GMDS: variants seen among roughly 807,000 people sequenced by gnomAD.
GMDS encodes the protein GDP-mannose 4,6-dehydratase.
In GMDS, 20 loss-of-function variants were observed where a neutral mutation model predicts 49.9. The observed-to-expected ratio is 0.40, with a 90% CI of 0.28 to 0.58. GMDS has a LOEUF of 0.58. Among genes scored for constraint, GMDS ranks in the 20% least tolerant of loss-of-function variants. The probability of loss-of-function intolerance (pLI) is 0.42; values close to 1 mark genes in which losing one functional copy is unlikely to be tolerated. For missense variants in GMDS, 362 were observed against 481.4 expected (o/e 0.75, Z 2.32); for synonymous variants, 177 against 178.6 (o/e 0.99, Z 0.07).
intron 7 of GMDS, among the ~76,000 whole-genome samples, chr6:1,925,894 A>G (rs1366193753): frequency 2.6e-5 from 4 of 152,088 alleles, no homozygotes; most frequent in Non-Finnish European, 5.9e-5. Flanking sequence ...ACCCCAAGAC[A>G]CAAGCAGCTG....
intron 4 of GMDS, among the ~76,000 whole-genome samples, chr6:2,080,342 A>C (rs1309538322): frequency 6.6e-6 from 1 of 152,158 alleles, no homozygotes; most frequent in Non-Finnish European, 1.5e-5. Flanking sequence ...ATCATTGCTG[A>C]AGAATTATTG....
At chr6:1,960,379 T>TTG (rs1242545817) in intron 5 of GMDS, among the ~76,000 whole-genome samples, 3 of 151,916 alleles carry the variant, frequency 2.0e-5, no homozygotes, top group Admixed American at 6.6e-5. Flanking sequence ...TAGTCTTTTT[T>TTG]TTTGAAGGTT....
chr6:1,746,942 TG>T (rs1219142920), intron 7 of GMDS, among the ~76,000 whole-genome samples: 1 of 152,146 alleles, frequency 6.6e-6, no homozygotes, highest in Non-Finnish European at 1.5e-5. Flanking sequence ...CCTTGTGATC[TG>T]CCGGCCTCAG....
chr6:1,850,619 T>C (rs11967089), intron 7 of GMDS, among the ~76,000 whole-genome samples: 2 of 152,020 alleles, frequency 1.3e-5, no homozygotes, highest in Admixed American at 6.6e-5. Flanking sequence ...GAATTGGAGA[T>C]GCATTAATTT....
intron 7 of GMDS, among the ~76,000 whole-genome samples, chr6:1,864,504 T>G (rs1263199087): frequency 6.6e-6 from 1 of 152,198 alleles, no homozygotes; most frequent in Non-Finnish European, 1.5e-5. Context: ...ATGACATGAA[T>G]TTTTCTTTTT....
At chr6:1,742,657 T>G in intron 7 of GMDS, 71 bp from the exon 8 acceptor site, 1 of 799,516 alleles carries the variant, frequency 1.3e-6, no homozygotes, top group Non-Finnish European at 2.2e-6. Flanking sequence ...CCAGTGCACA[T>G]AATCAGATAT....
intron 9 of GMDS, among the ~76,000 whole-genome samples, chr6:1,647,686 T>A (rs1336377962): frequency 1.3e-5 from 2 of 152,090 alleles, no homozygotes; most frequent in South Asian, 4.1e-4. Flanking sequence ...TAGGAAAGGG[T>A]GTGAGTCCTC....
chr6:2,151,977 G>A (rs1776867575), intron 1 of GMDS, among the ~76,000 whole-genome samples: 1 of 152,082 alleles, frequency 6.6e-6, no homozygotes, highest in East Asian at 1.9e-4. Flanking sequence ...ACTGGCATTT[G>A]CTAATCTGTA....
intron 4 of GMDS, among the ~76,000 whole-genome samples, chr6:1,961,907 C>G (rs1344322305): frequency 6.6e-6 from 1 of 152,170 alleles, no homozygotes; most frequent in Non-Finnish European, 1.5e-5. Context: ...CAACTGCTCA[C>G]CAGGGACCCT....
chr6:1,742,651 T>G (rs1581535625), intron 7 of GMDS, 65 bp from the exon 8 acceptor site: 1 of 845,094 alleles, frequency 1.2e-6, no homozygotes, highest in East Asian at 2.5e-5. Context: ...TGTTTTCCAG[T>G]GCACATAATC....
intron 6 of GMDS, among the ~76,000 whole-genome samples, chr6:1,947,946 GT>G (rs1326707103): frequency 2.0e-5 from 3 of 151,970 alleles, no homozygotes; most frequent in Non-Finnish European, 2.9e-5. Flanking sequence ...TATTCCTTCT[GT>G]TTATTAATTT....
intron 7 of GMDS, among the ~76,000 whole-genome samples, chr6:1,914,127 G>GTTTTTTT (rs1225983780): frequency 3.0e-4 from 15 of 49,994 alleles, no homozygotes; most frequent in African/African-American, 1.1e-3. Flanking sequence ...AGCGTTTTTT[G>GTTTTTTT]TTTGTTTTTT....
In GMDS at chr6:1,993,810, T is replaced by G. The variant is rs540664408; in HGVS notation, c.346-32844A>C. On this transcript the variant is annotated intron_variant, in intron 4 of 10. Coordinates refer to ENST00000380815, the MANE Select transcript of GMDS (RefSeq NM_001500.4). Reference sequence around the variant, plus strand: ...AAACTTAAAAATCCAGACAAAGACTTATCATCAGCCACGTATGGAATGTGA... The same window carrying G: ...AAACTTAAAAATCCAGACAAAGACTGATCATCAGCCACGTATGGAATGTGA... Among the ~76,000 whole-genome samples, 23 of 152,004 alleles carry G rather than the reference T, an allele frequency of 1.5e-4. No homozygotes were observed. In the South Asian group the frequency reaches 2.5e-3, roughly 16 times the overall value.
intron 1 of GMDS, among the ~76,000 whole-genome samples, chr6:2,175,085 C>T (rs562981600): frequency 3.3e-5 from 5 of 152,178 alleles, no homozygotes; most frequent in East Asian, 1.9e-4. Context: ...ATTTGAAACA[C>T]AGTGCAAAGT....
At chr6:2,082,864 G>C (rs1026309168) in intron 4 of GMDS, among the ~76,000 whole-genome samples, 1 of 152,136 alleles carries the variant, frequency 6.6e-6, no homozygotes, top group Non-Finnish European at 1.5e-5. Context: ...ATCCTCACTG[G>C]ATGACAAAAC....
At chr6:1,949,171 C>G (rs1407096105) in intron 6 of GMDS, 1 of 212,186 alleles carries the variant, frequency 4.7e-6, no homozygotes, top group Non-Finnish European at 8.1e-6. Context: ...ATCTACTATG[C>G]ACTGTATTAA....
In GMDS at chr6:2,225,030, T is replaced by C. The variant is rs113206983; in HGVS notation, c.102+20291A>G. Among the ~76,000 whole-genome samples the C allele has an allele frequency of 3.9e-3, 586 of 152,200 alleles. 5 individuals are homozygous for C. Among genetic ancestry groups the C allele is most frequent in the Non-Finnish European group, 6.2e-3 (425 of 68,004 alleles). ...GTCAGACGCTACCTGAGATGAACAG[T>C]AAGCCTTGGCCGGGCATGGTGGCTC... On this transcript the variant is annotated intron_variant, in intron 1 of 10. Transcript: ENST00000380815.
At chr6:1,801,548 A>C (rs1485448115) in intron 7 of GMDS, among the ~76,000 whole-genome samples, 3 of 152,246 alleles carry the variant, frequency 2.0e-5, no homozygotes, top group Non-Finnish European at 2.9e-5. Flanking sequence ...ACCCACTCAC[A>C]TGATGCATTC....
At chr6:2,141,611 G>A (rs1195334899) in intron 1 of GMDS, among the ~76,000 whole-genome samples, 1 of 152,184 alleles carries the variant, frequency 6.6e-6, no homozygotes, top group Non-Finnish European at 1.5e-5. Context: ...CAGGGATGAA[G>A]AGGGGAGGGG....
Sources: gnomAD v4.1 joint callset for allele counts (sites outside exome capture counted in the v4.1 genomes callset) on GRCh38, gnomAD v4.1.1 for gene constraint, MANE v1.5 for transcripts, NCBI Gene and HGNC (gene_info 2026-07-23, HGNC 2026-07-21) for gene names.